Variants in HHLA1 observed in about 807,000 individuals in gnomAD.
HHLA1 encodes HERV-H LTR-associating protein 1.
Under a neutral mutation model 69.9 loss-of-function variants are expected in HHLA1, and 72 were observed. The ratio of observed to expected loss-of-function variants is 1.03; its 90% CI spans 0.85 to 1.25. The LOEUF (loss-of-function observed/expected upper bound fraction) is 1.25, where lower values mean the gene tolerates loss of function less well. Ranked by LOEUF, HHLA1 falls within the 50% of genes most tolerant of loss-of-function variation. HHLA1 has a pLI of 0.00. For synonymous variants in HHLA1, 252 were observed against 233.2 expected, an observed-to-expected ratio of 1.08 and a Z score of -0.73; for missense variants, 685 against 642.2, an observed-to-expected ratio of 1.07 and a Z score of -0.72.
At chr8:132,089,074 T>A (rs543413186) in intron 8 of HHLA1, among the ~76,000 whole-genome samples, 5 of 152,344 alleles carry the variant, frequency 3.3e-5, no homozygotes, top group Admixed American at 3.3e-4. Context: ...GGGGGTTACA[T>A]GAAACCACCT....
intron 10 of HHLA1, chr8:132,080,615 C>G (rs1823735086): frequency 6.2e-6 from 1 of 161,860 alleles, no homozygotes; most frequent in South Asian, 1.8e-4. Flanking sequence ...TCTTCAGTTA[C>G]TTCAGGCCAT....
chr8:132,103,962 A>G, intron 3 of HHLA1, 146 bp downstream of exon 3: 1 of 609,718 alleles, frequency 1.6e-6, no homozygotes, highest in South Asian at 2.2e-5. Context: ...AGAAATGAGT[A>G]GCTCACAGGA....
intron 15 of HHLA1, among the ~76,000 whole-genome samples, chr8:132,068,576 C>T (rs1481314693): frequency 6.6e-6 from 1 of 152,206 alleles, no homozygotes; most frequent in African/African-American, 2.4e-5. Flanking sequence ...GTCTTCAGTT[C>T]TTCAGGGCAG....
intron 3 of HHLA1, among the ~76,000 whole-genome samples, chr8:132,103,014 A>G (rs755876921): frequency 3.3e-5 from 5 of 152,216 alleles, no homozygotes; most frequent in Non-Finnish European, 5.9e-5. Flanking sequence ...AAAGACCACC[A>G]TAATAAAAGC....
Position 132,071,328 on chromosome 8 carries a change from G to A in HHLA1, c.1469+12C>T. 6.5e-7 allele frequency: 1 copy of A among 1,547,302 alleles called. No homozygotes were observed. The highest frequency in any genetic ancestry group is 8.7e-7 in the Non-Finnish European group (1 of 1,145,394). ...ATATTCCATGTGAAAAGAAGCCACT[G>A]GGCCAAGTTACCTCATGTCCTCTGT... On this transcript the variant is annotated intron_variant, in intron 15 of 16. Coordinates refer to ENST00000414222, the MANE Select transcript of HHLA1 (RefSeq NM_001145095.3).
rs1377861681 is a variant in HHLA1, at chr8:132,077,848, G to C, written c.1049C>G (p.Thr350Ser). The change falls in exon 12 of 17, where the codon ACT (threonine) becomes AGT (serine). Residue 350 changes from threonine (T) to serine (S), a missense_variant. By Grantham distance (58) the Thr-to-Ser change is moderately conservative (BLOSUM62 1). Coordinates refer to ENST00000414222, the MANE Select transcript of HHLA1 (RefSeq NM_001145095.3). ...TGCAGTAGTCGGTGGGGAAGAACGA[G>C]TTTCCCAGAGAGACCCTCCAGGTTT... ...EKKPGGSLWE[T>S]RSSPPTTAGT... 6.4e-7 allele frequency: 1 copy of C among 1,551,384 alleles called. No individual in the cohort carries two copies. The highest frequency in any genetic ancestry group is 1.4e-5 in the African/African-American group (1 of 72,972).
rs529155312 is a variant in HHLA1, at chr8:132,104,111, T to A, written c.136A>T (p.Thr46Ser). 8 of 1,547,836 alleles carry A rather than the reference T, an allele frequency of 5.2e-6. No homozygotes were observed. In the East Asian group the frequency reaches 1.7e-4, roughly 33 times the overall value. The change falls in exon 3 of 17, where the codon ACA (threonine) becomes TCA (serine). Residue 46 changes from threonine to serine, a missense_variant. Coordinates refer to ENST00000414222, the MANE Select transcript of HHLA1 (RefSeq NM_001145095.3). ...KEKGMTFLPT[T>S]VSGLREEERK... ...GGAGCCCTTATCACCCACTTACCTG[T>A]TGTAGGTAAAAAGGTCATTCCCTTC...
In HHLA1 at chr8:132,077,816, C is replaced by T. The variant is rs1823671664; in HGVS notation, c.1081G>A (p.Glu361Lys). 7 of 1,551,614 alleles carry T rather than the reference C, an allele frequency of 4.5e-6. No homozygotes were observed. Among genetic ancestry groups the T allele is most frequent in the Middle Eastern group, 1.7e-4 (1 of 5,992 alleles). The change falls in exon 12 of 17, where the codon GAG becomes AAG. Residue 361 changes from glutamate to lysine, a missense_variant. Coordinates refer to ENST00000414222, the MANE Select transcript of HHLA1 (RefSeq NM_001145095.3). ...RSSPPTTAGT[E>K]EAMNTTSLLA... ...AGGCTTGTAGTGTTCATGGCTTCCT[C>T]GGTCCCTGCAGTAGTCGGTGGGGAA...
At chr8:132,078,814 T>C (rs1055763370) in intron 11 of HHLA1, among the ~76,000 whole-genome samples, 1 of 152,242 alleles carries the variant, frequency 6.6e-6, no homozygotes, top group African/African-American at 2.4e-5. Flanking sequence ...AATAAATGAA[T>C]GAATTCTGAT....
intron 15 of HHLA1, 99 bp downstream of exon 15, chr8:132,071,241 T>A: frequency 1.9e-6 from 2 of 1,046,852 alleles, no homozygotes; most frequent in Non-Finnish European, 2.8e-6. Flanking sequence ...TGTCTGTGGA[T>A]TGCTTATTGC....
intron 5 of HHLA1, 35 bp from the exon 6 acceptor site, chr8:132,095,821 T>G: frequency 1.5e-6 from 2 of 1,355,222 alleles, no homozygotes; most frequent in Non-Finnish European, 2.0e-6. Context: ...GACAGACAGA[T>G]GCCTACTAAC....
chr8:132,064,980 G>T (rs1172578742), intron 16 of HHLA1, among the ~76,000 whole-genome samples: 1 of 152,100 alleles, frequency 6.6e-6, no homozygotes, highest in African/African-American at 2.4e-5. Context: ...CTTATATTTG[G>T]GTTACAGTAA....
intron 1 of HHLA1, among the ~76,000 whole-genome samples, chr8:132,106,118 C>T (rs1824198160): frequency 6.6e-6 from 1 of 151,954 alleles, no homozygotes; most frequent in Non-Finnish European, 1.5e-5. Context: ...AATGTAATGA[C>T]AATTTAAATA....
chr8:132,070,386 A>G, intron 15 of HHLA1: 1 of 702,008 alleles, frequency 1.4e-6, no homozygotes, highest in Non-Finnish European at 2.6e-6. Context: ...AAGAACTGGA[A>G]TTTAGATAGA....
chr8:132,091,073 G>T (rs906364092), intron 7 of HHLA1, among the ~76,000 whole-genome samples: 4 of 151,568 alleles, frequency 2.6e-5, no homozygotes, highest in Non-Finnish European at 4.4e-5. Flanking sequence ...CTGAGGAAGG[G>T]TATTATCTCT....
At chr8:132,106,074 C>T (rs1215975786) in intron 1 of HHLA1, among the ~76,000 whole-genome samples, 1 of 152,138 alleles carries the variant, frequency 6.6e-6, no homozygotes, top group African/African-American at 2.4e-5. Flanking sequence ...CTGATGCATA[C>T]TTGATAACTG....
At chr8:132,094,038 C>G (rs965492595) in intron 7 of HHLA1, among the ~76,000 whole-genome samples, 1 of 152,132 alleles carries the variant, frequency 6.6e-6, no homozygotes, top group Non-Finnish European at 1.5e-5. Context: ...GAAGAGTTTA[C>G]GCACAAAGAT....
At chr8:132,110,093 G>A (rs917707247) in intron 1 of HHLA1, among the ~76,000 whole-genome samples, 1 of 152,166 alleles carries the variant, frequency 6.6e-6, no homozygotes, top group Non-Finnish European at 1.5e-5. Flanking sequence ...GGTTAGTTCA[G>A]CTTGATGAGC....
chr8:132,071,259 C>G, intron 15 of HHLA1, 81 bp downstream of exon 15: 1 of 1,297,348 alleles, frequency 7.7e-7, no homozygotes. Context: ...TGCCTGACTG[C>G]CTTGTGGCCT....
Sources: allele counts gnomAD v4.1 joint callset (sites outside exome capture counted in the v4.1 genomes callset), GRCh38; gene constraint gnomAD v4.1.1; transcripts MANE v1.5; gene names NCBI Gene and HGNC (gene_info 2026-07-23, HGNC 2026-07-21).